The following SYN3 variants were observed in gnomAD, a reference collection of about 807,000 sequenced individuals.
SYN3 encodes the protein synapsin-3.
Under a neutral mutation model 65.8 loss-of-function variants are expected in SYN3, and 35 were observed. The ratio of observed to expected loss-of-function variants is 0.53; its 90% confidence interval spans 0.41 to 0.70. The LOEUF (loss-of-function observed/expected upper bound fraction) is 0.70, where lower values mean the gene tolerates loss of function less well. Among genes scored for constraint, SYN3 ranks in the 30% least tolerant of loss-of-function variants. The pLI is 0.00. For missense variants in SYN3, 680 were observed against 749.0 expected (o/e 0.91, Z 1.08); for synonymous variants, 270 against 292.9 (o/e 0.92, Z 0.80).
At chr22:33,042,480 G>C (rs1226660191) in intron 1 of SYN3, among the ~76,000 whole-genome samples, 1 of 152,238 alleles carries the variant, frequency 6.6e-6, no homozygotes, top group African/African-American at 2.4e-5. Context: ...AAATCAGAAA[G>C]AATCTTGCTG....
intron 4 of SYN3, among the ~76,000 whole-genome samples, chr22:32,918,276 G>T (rs889745914): frequency 6.6e-6 from 1 of 152,152 alleles, no homozygotes; most frequent in African/African-American, 2.4e-5. Flanking sequence ...AGGGGGAGAC[G>T]GGGGAAGTAA....
chr22:32,746,469 A>C (rs2044935424), intron 6 of SYN3, among the ~76,000 whole-genome samples: 2 of 151,840 alleles, frequency 1.3e-5, no homozygotes, highest in Non-Finnish European at 2.9e-5. Context: ...TTTAGCTTAA[A>C]GCGTGGACAA....
intron 3 of SYN3, among the ~76,000 whole-genome samples, chr22:32,961,478 T>C (rs1364469546): frequency 2.0e-5 from 3 of 152,228 alleles, no homozygotes; most frequent in Non-Finnish European, 4.4e-5. Context: ...AGTAGAGTTG[T>C]GTTGTCAGTG....
At chr22:32,513,890 G>T in intron 13 of SYN3, 66 bp from the exon 14 acceptor site, 1 of 1,597,004 alleles carries the variant, frequency 6.3e-7, no homozygotes, top group Non-Finnish European at 8.5e-7. Context: ...TGGGTCTTGG[G>T]GGCTTGCCTG....
chr22:32,638,797 G>T (rs1238115280), intron 6 of SYN3, among the ~76,000 whole-genome samples: 1 of 152,070 alleles, frequency 6.6e-6, no homozygotes, highest in African/African-American at 2.4e-5. Context: ...TTATTTAGCT[G>T]TGCAGAAGTT....
chr22:32,711,451 GAGA>G lies in SYN3; in HGVS notation c.712-114718_712-114716del, dbSNP rs145749271. Among the ~76,000 whole-genome samples, 523 of 152,282 alleles carry G rather than the reference GAGA, an allele frequency of 3.4e-3. 5 individuals carry two copies. The highest frequency in any genetic ancestry group is 0.012 in the African/African-American group (495 of 41,564). On this transcript the variant is annotated intron_variant, in intron 6 of 13. Coordinates refer to ENST00000358763, the MANE Select transcript of SYN3 (RefSeq NM_003490.4). ...TTAAACACCAGCCAAAGTGATGGGG[GAGA>G]AGAAGCTGAGGGTAAAGAAGAGGAG...
chr22:32,553,950 G>A (rs2058453154), intron 7 of SYN3, among the ~76,000 whole-genome samples: 1 of 152,164 alleles, frequency 6.6e-6, no homozygotes, highest in African/African-American at 2.4e-5. Flanking sequence ...AGCAGCTGAA[G>A]GAGAGACATT....
At chr22:32,660,410 G>A (rs4820089) in intron 6 of SYN3, among the ~76,000 whole-genome samples, 40,234 of 152,002 alleles carry the variant, frequency 0.26, 7,135 homozygotes, top group East Asian at 0.71. Flanking sequence ...ACACGGCTCC[G>A]TGTGCCCACC....
At chr22:32,848,235 G>A (rs2048124344) in intron 6 of SYN3, among the ~76,000 whole-genome samples, 1 of 152,170 alleles carries the variant, frequency 6.6e-6, no homozygotes, top group South Asian at 2.1e-4. Context: ...CAACCCACTG[G>A]GTGTAATTAC....
chr22:32,824,459 G>A (rs1350251500), intron 6 of SYN3, among the ~76,000 whole-genome samples: 2 of 151,820 alleles, frequency 1.3e-5, no homozygotes, highest in African/African-American at 4.8e-5. Context: ...AGTCATATAG[G>A]GACTGGCACC....
intron 3 of SYN3, among the ~76,000 whole-genome samples, chr22:32,969,239 C>T (rs1263835390): frequency 2.0e-5 from 3 of 152,148 alleles, no homozygotes; most frequent in Non-Finnish European, 4.4e-5. Flanking sequence ...TGCCACCAAA[C>T]CAGGATGCTG....
intron 4 of SYN3, among the ~76,000 whole-genome samples, chr22:32,908,358 T>C (rs902256837): frequency 6.6e-6 from 1 of 150,550 alleles, no homozygotes. Context: ...AGTGCTGAGA[T>C]TACAGGGGTG....
intron 6 of SYN3, among the ~76,000 whole-genome samples, chr22:32,699,443 C>G (rs2060781829): frequency 1.3e-5 from 2 of 152,194 alleles, no homozygotes; most frequent in African/African-American, 2.4e-5. Context: ...ACTGCAGAGA[C>G]AGCAGAGCTT....
intron 7 of SYN3, among the ~76,000 whole-genome samples, chr22:32,543,169 T>G (rs1219294654): frequency 6.6e-6 from 1 of 152,174 alleles, no homozygotes; most frequent in East Asian, 1.9e-4. Flanking sequence ...CACTCACATT[T>G]CCACCAGCGT....
At chr22:32,521,340 C>T (rs901793575) in intron 12 of SYN3, among the ~76,000 whole-genome samples, 9 of 152,188 alleles carry the variant, frequency 5.9e-5, no homozygotes, top group South Asian at 2.1e-4. Context: ...CTGTTAGTAA[C>T]GCCAGGGACA....
intron 6 of SYN3, among the ~76,000 whole-genome samples, chr22:32,762,200 C>T (rs1338490747): frequency 6.6e-6 from 1 of 152,226 alleles, no homozygotes; most frequent in Non-Finnish European, 1.5e-5. Context: ...CATCCTTCCT[C>T]AGGGTTAAAG....
intron 6 of SYN3, among the ~76,000 whole-genome samples, chr22:32,692,902 C>T (rs1398851615): frequency 6.6e-6 from 1 of 152,184 alleles, no homozygotes; most frequent in Admixed American, 6.5e-5. Flanking sequence ...ATCTTTCCAG[C>T]ACCATTTCCC....
intron 1 of SYN3, among the ~76,000 whole-genome samples, chr22:33,018,386 A>T (rs544830791): frequency 6.6e-6 from 1 of 152,316 alleles, no homozygotes; most frequent in South Asian, 2.1e-4. Context: ...GCTGGGATAG[A>T]ACCCAGTAGG....
chr22:32,782,227 C>T (rs1469678124), intron 6 of SYN3, among the ~76,000 whole-genome samples: 3 of 152,064 alleles, frequency 2.0e-5, no homozygotes, highest in Non-Finnish European at 4.4e-5. Flanking sequence ...TGCCACCACG[C>T]TCGGCTAATT....
Sources: allele counts gnomAD v4.1 joint callset (sites outside exome capture counted in the v4.1 genomes callset), GRCh38; gene constraint gnomAD v4.1.1; transcripts MANE v1.5; gene names NCBI Gene and HGNC (gene_info 2026-07-23, HGNC 2026-07-21).